CASD1: variants seen among roughly 807,000 people sequenced by gnomAD.
The protein encoded by CASD1 is CAS1 domain sialic acid O acetyltransferase 1.
A neutral mutation model predicts 100.0 loss-of-function variants in CASD1; 41 were observed. That is an observed-to-expected ratio of 0.41 (90% CI 0.32 to 0.53). The LOEUF (loss-of-function observed/expected upper bound fraction) is 0.53. CASD1 is among the 20% of genes least tolerant of loss of function. The probability of loss-of-function intolerance (pLI) is 0.25; values close to 1 mark genes in which losing one functional copy is unlikely to be tolerated. For synonymous variants in CASD1, 321 were observed against 315.6 expected (o/e 1.02, Z -0.18); for missense variants, 774 against 948.7 (o/e 0.82, Z 2.42).
At chr7:94,539,682 AAAG>A (rs1410686919) in intron 10 of CASD1, among the ~76,000 whole-genome samples, 4 of 151,702 alleles carry the variant, frequency 2.6e-5, no homozygotes, top group African/African-American at 9.7e-5. Context: ...AAAAAAAAAA[AAAG>A]AAAAAAGGAA....
the CASD1 span, among the ~76,000 whole-genome samples, chr7:94,578,894 A>C: frequency 6.6e-6 from 1 of 152,156 alleles, no homozygotes; most frequent in Non-Finnish European, 1.5e-5. Flanking sequence ...TCTTCAAATT[A>C]TGTCTTAAAT....
At chr7:94,584,002 G>A in the CASD1 span, among the ~76,000 whole-genome samples, 6 of 152,264 alleles carry the variant, frequency 3.9e-5, no homozygotes, top group South Asian at 2.1e-4. Context: ...GAACTGCAGC[G>A]ATTAAAGCTA....
At chr7:94,567,217 A>T in the CASD1 span, among the ~76,000 whole-genome samples, 150,064 of 152,242 alleles carry the variant, frequency 0.99, 73,967 homozygotes, top group East Asian at 1. Context: ...CAGAGGCTAG[A>T]ACTCATCCAT....
the CASD1 span, chr7:94,599,975 A>T: frequency 2.7e-6 from 1 of 363,828 alleles, no homozygotes; most frequent in African/African-American, 2.1e-5. Context: ...ATTGAAATAA[A>T]TTCTATGACA....
the CASD1 span, chr7:94,599,446 A>G: frequency 2.1e-6 from 1 of 486,518 alleles, no homozygotes; most frequent in Admixed American, 3.6e-5. Flanking sequence ...TATAAATGGT[A>G]AGTTAATATT....
At chr7:94,551,030 G>C (rs1795922944) in intron 14 of CASD1, among the ~76,000 whole-genome samples, 1 of 152,050 alleles carries the variant, frequency 6.6e-6, no homozygotes, top group African/African-American at 2.4e-5. Context: ...TCATATGTCT[G>C]TAGGAGAGTT....
intron 5 of CASD1, among the ~76,000 whole-genome samples, chr7:94,531,417 C>T (rs1327582637): frequency 1.3e-5 from 2 of 151,990 alleles, no homozygotes; most frequent in African/African-American, 2.4e-5. Context: ...GCAGACTTGT[C>T]GGATGAATTT....
chr7:94,509,936 G>C lies in CASD1; in HGVS notation c.-149G>C. On this transcript the variant is annotated 5_prime_UTR_variant, in exon 1 of 18. Transcript: ENST00000297273. The stretch of plus-strand genomic sequence containing the variant: ...GAGGTCGGGGGCGCCGCGGCCGCGG[G>C]GTCAGGTTCCCCGGCGGGAGGCGCA... 8.5e-7 allele frequency: 1 copy of C among 1,173,852 alleles called. No individual in the cohort carries two copies. Among genetic ancestry groups the C allele is most frequent in the Non-Finnish European group, 1.1e-6 (1 of 944,268 alleles). 72.7% of individuals were successfully genotyped at this position (1,173,852 alleles called of 1,614,324 possible).
At chr7:94,531,701 C>T (rs887582134) in intron 5 of CASD1, among the ~76,000 whole-genome samples, 3 of 151,976 alleles carry the variant, frequency 2.0e-5, no homozygotes, top group African/African-American at 7.3e-5. Flanking sequence ...TTACAGTAAG[C>T]ATGTATTACC....
chr7:94,597,215 A>G, the CASD1 span: 1 of 152,082 alleles, frequency 6.6e-6, no homozygotes, highest in Non-Finnish European at 1.5e-5. Flanking sequence ...AACATATGCA[A>G]TTTCACCCAT....
intron 1 of CASD1, among the ~76,000 whole-genome samples, chr7:94,515,698 A>G (rs1435901345): frequency 1.3e-5 from 2 of 152,106 alleles, no homozygotes; most frequent in Non-Finnish European, 2.9e-5. Flanking sequence ...CAAAGACAAA[A>G]GACAAAAGGC....
intron 1 of CASD1, among the ~76,000 whole-genome samples, chr7:94,512,297 T>A (rs1793750596): frequency 6.6e-6 from 1 of 152,036 alleles, no homozygotes; most frequent in Non-Finnish European, 1.5e-5. Flanking sequence ...TTAAAGAAGG[T>A]TTACGAATTT....
chr7:94,575,992 G>A, the CASD1 span, among the ~76,000 whole-genome samples: 2 of 152,088 alleles, frequency 1.3e-5, no homozygotes, highest in African/African-American at 4.8e-5. Context: ...GGAGGTCATT[G>A]AGCTCTTGAA....
the CASD1 span, chr7:94,598,923 T>G: frequency 6.2e-7 from 1 of 1,613,966 alleles, no homozygotes; most frequent in South Asian, 1.1e-5. Flanking sequence ...CGAAGCTCCT[T>G]GGTAGATTTC....
chr7:94,559,223 G>T (rs371097227), downstream of CASD1, among the ~76,000 whole-genome samples: 12 of 150,746 alleles, frequency 8.0e-5, no homozygotes, highest in African/African-American at 2.9e-4. Flanking sequence ...ATTCAATGTG[G>T]TACCAGAACC....
rs1395558213 is a variant in CASD1 at position 94,545,616 on chromosome 7, C to T, written c.1548C>T (p.Tyr516=). The T allele has an allele frequency of 2.5e-6, 4 of 1,609,748 alleles. No homozygotes were observed. Among genetic ancestry groups the T allele is most frequent in the South Asian group, 1.1e-5 (1 of 90,896 alleles). The part of the protein sequence containing the change: ...IVMDRPYQFY[Y]FVPLVTVWFM... ...TGGATCGACCTTATCAATTCTATTACTTTGTCCCCTTGGTCACTGTATGGT... is the reference window on the plus strand; with the variant it reads ...TGGATCGACCTTATCAATTCTATTATTTTGTCCCCTTGGTCACTGTATGGT... The change falls in exon 12 of 18, where the codon TAC becomes TAT. Residue 516 remains tyrosine, a synonymous_variant. Transcript: ENST00000297273.
intron 1 of CASD1, among the ~76,000 whole-genome samples, chr7:94,512,268 G>T (rs936715790): frequency 6.6e-6 from 1 of 152,100 alleles, no homozygotes; most frequent in African/African-American, 2.4e-5. Context: ...AAAAAAAATT[G>T]CAAAAAATCT....
chr7:94,627,946 T>A, the CASD1 span: 1 of 419,962 alleles, frequency 2.4e-6, no homozygotes, highest in Non-Finnish European at 4.3e-6. Context: ...CATATTATAA[T>A]AATCTCTTTT....
chr7:94,591,584 C>T, the CASD1 span, among the ~76,000 whole-genome samples: 1 of 151,988 alleles, frequency 6.6e-6, no homozygotes, highest in Non-Finnish European at 1.5e-5. Context: ...TAAGGATCCT[C>T]CAAATTCAAA....
Sources: allele counts gnomAD v4.1 joint callset (sites outside exome capture counted in the v4.1 genomes callset), GRCh38; gene constraint gnomAD v4.1.1; transcripts MANE v1.5; gene names NCBI Gene and HGNC (gene_info 2026-07-23, HGNC 2026-07-21).